OTOGL: variants seen among roughly 807,000 people sequenced by gnomAD.
The protein encoded by OTOGL is otogelin like.
Under a neutral mutation model 318.5 loss-of-function variants are expected in OTOGL, and 285 were observed. That is an observed-to-expected ratio of 0.89 (90% CI 0.81 to 0.99). The LOEUF (loss-of-function observed/expected upper bound fraction) is 0.99, where lower values mean the gene tolerates loss of function less well. Among genes scored for constraint, OTOGL ranks in the 50% least tolerant of loss-of-function variants. The pLI is 0.00. For missense variants in OTOGL, 2,899 were observed against 2,845.6 expected, an observed-to-expected ratio of 1.02 and a Z score of -0.43; for synonymous variants, 987 against 936.5, an observed-to-expected ratio of 1.05 and a Z score of -0.99.
At chr12:80,314,402 G>A in intron 32 of OTOGL, 71 bp downstream of exon 32, 2 of 556,194 alleles carry the variant, frequency 3.6e-6, no homozygotes. Context: ...AAAAATTTTT[G>A]AACAACTTAT....
intron 52 of OTOGL, among the ~76,000 whole-genome samples, chr12:80,364,724 C>T (rs1201437706): frequency 6.6e-6 from 1 of 151,900 alleles, no homozygotes; most frequent in Non-Finnish European, 1.5e-5. Flanking sequence ...AAGGTTAATC[C>T]GTGTTGCTGC....
rs766456913 is a variant in OTOGL, at chr12:80,262,084, C to G, written c.2005C>G (p.Gln669Glu). Reference protein sequence around the residue: ...VPVVDPCNINQQNIGYAAHCD... With the variant: ...VPVVDPCNINEQNIGYAAHCD... Reference sequence around the variant, plus strand: ...AGTGGTGGACCCCTGTAACATCAATCAACAAAACAGTAAGTTTTGCATGTA... The same window carrying G: ...AGTGGTGGACCCCTGTAACATCAATGAACAAAACAGTAAGTTTTGCATGTA... The change falls in exon 19 of 59, where the codon CAA (glutamine) becomes GAA (glutamate). Residue 669 changes from glutamine (Q) to glutamate (E), a missense_variant. Transcript: ENST00000547103. The G allele has an allele frequency of 2.5e-6, 4 of 1,606,294 alleles. No homozygotes were observed. The South Asian group carries it at 4.5e-5, about 18-fold the overall frequency.
chr12:80,116,431 G>C (rs1365169438), intron 1 of OTOGL, among the ~76,000 whole-genome samples: 1 of 152,066 alleles, frequency 6.6e-6, no homozygotes, highest in Non-Finnish European at 1.5e-5. Flanking sequence ...AGTTGGAAAT[G>C]CAGAAATCAC....
chr12:80,215,699 C>A (rs1390045411), intron 4 of OTOGL, among the ~76,000 whole-genome samples: 1 of 152,024 alleles, frequency 6.6e-6, no homozygotes, highest in Non-Finnish European at 1.5e-5. Context: ...GATTGGCTTC[C>A]ATTAAAGGGA....
chr12:80,201,439 C>T (rs1876448532), intron 1 of OTOGL, among the ~76,000 whole-genome samples: 1 of 151,968 alleles, frequency 6.6e-6, no homozygotes, highest in Admixed American at 6.6e-5. Context: ...ATGCGAGACA[C>T]CTTTTAGCAA....
chr12:80,154,129 C>A (rs1872964563), intron 1 of OTOGL, among the ~76,000 whole-genome samples: 1 of 151,974 alleles, frequency 6.6e-6, no homozygotes, highest in Non-Finnish European at 1.5e-5. Context: ...GCCAACATGG[C>A]AAAATTCCGT....
chr12:80,316,678 A>G (rs1251086492), intron 32 of OTOGL, among the ~76,000 whole-genome samples: 1 of 152,204 alleles, frequency 6.6e-6, no homozygotes, highest in Non-Finnish European at 1.5e-5. Flanking sequence ...GGAGAAACGC[A>G]TCAATGTGCC....
At position 80,278,659 on chromosome 12, in the gene OTOGL, AAG is replaced by A. The variant is rs1254853741; in HGVS notation, c.2790-367_2790-366del. 5.3e-5 allele frequency among the ~76,000 whole-genome samples: 8 copies of A among 151,634 alleles called. No homozygotes were observed. The Admixed American group carries it at 5.3e-4, about 10-fold the overall frequency. On this transcript the variant is annotated intron_variant, in intron 25 of 58. Transcript: ENST00000547103. ...ATATAATTTCCCTAAAATATGGACAAAGATTCTAAACTCATGAGCAATGTCAT... is the reference window on the plus strand; with the variant it reads ...ATATAATTTCCCTAAAATATGGACAAATTCTAAACTCATGAGCAATGTCAT...
chr12:80,261,598 G>GT (rs1882531089), intron 18 of OTOGL, among the ~76,000 whole-genome samples: 1 of 152,120 alleles, frequency 6.6e-6, no homozygotes, highest in Non-Finnish European at 1.5e-5. Context: ...AGTTTTGGTT[G>GT]TGTGAGTGTA....
intron 26 of OTOGL, among the ~76,000 whole-genome samples, chr12:80,296,025 T>A (rs1261929949): frequency 2.0e-5 from 3 of 152,086 alleles, no homozygotes; most frequent in Non-Finnish European, 2.9e-5. Context: ...AGGAAAGGGG[T>A]CTACCTGGAG....
intron 1 of OTOGL, among the ~76,000 whole-genome samples, chr12:80,145,426 T>C (rs906738360): frequency 1.3e-5 from 2 of 152,008 alleles, no homozygotes; most frequent in African/African-American, 4.8e-5. Context: ...TATCTCTGTT[T>C]TGGTACCAGT....
intron 1 of OTOGL, among the ~76,000 whole-genome samples, chr12:80,168,705 T>C (rs1471956705): frequency 4.6e-5 from 7 of 152,212 alleles, no homozygotes. Flanking sequence ...TTCTGACTGT[T>C]TTCCTAATAG....
In OTOGL at chr12:80,306,785, A is replaced by T. The variant is rs551904993; in HGVS notation, c.3333+1090A>T. 2.6e-4 allele frequency among the ~76,000 whole-genome samples: 33 copies of T among 128,228 alleles called. No homozygotes were observed. The South Asian group carries it at 8.5e-3, about 33-fold the overall frequency. 84.1% of individuals were successfully genotyped at this position (128,228 alleles called of 152,430 possible). On this transcript the variant is annotated intron_variant, in intron 29 of 58. Coordinates refer to ENST00000547103, the MANE Select transcript of OTOGL (RefSeq NM_001378609.3). ...AAGTAACTATTTCTTTTTTTTTTTT[A>T]AATTTTATTTTATTATTATTATTAT...
intron 11 of OTOGL, among the ~76,000 whole-genome samples, chr12:80,244,259 C>T (rs1019861708): frequency 1.0e-4 from 15 of 148,974 alleles, no homozygotes; most frequent in East Asian, 7.9e-4. Context: ...TGTGCTGGTG[C>T]GCTGCACCCA....
chr12:80,223,852 G>A (rs1054589419), intron 7 of OTOGL, among the ~76,000 whole-genome samples: 1 of 151,970 alleles, frequency 6.6e-6, no homozygotes. Context: ...TGTATAGATT[G>A]CAAAGATTTT....
rs145929353 is a variant in OTOGL, at chr12:80,378,411, T to C, written c.*363T>C. The stretch of plus-strand genomic sequence containing the variant: ...TTTTCTTAATTTGCAAAGTCTGCTA[T>C]AGCTATCCAAATTAAGGTACCCTTT... On this transcript the variant is annotated 3_prime_UTR_variant, in exon 59 of 59. Transcript: ENST00000547103. 8.7e-4 allele frequency: 160 copies of C among 184,112 alleles called. No individual in the cohort carries two copies. The highest frequency in any genetic ancestry group is 3.5e-3 in the African/African-American group (147 of 42,276). 11.4% of individuals were successfully genotyped at this position (184,112 alleles called of 1,614,324 possible).
At position 80,264,829 on chromosome 12, in the gene OTOGL, T is replaced by C. The variant is rs965162240; in HGVS notation, c.2015-172T>C. On this transcript the variant is annotated intron_variant, in intron 19 of 58. Transcript: ENST00000547103. ...AAAAGTCTGTTGAATGTGGATTAAGTGCTGTTACCAATATTATATAAAAAA... is the reference window on the plus strand; with the variant it reads ...AAAAGTCTGTTGAATGTGGATTAAGCGCTGTTACCAATATTATATAAAAAA... Among the ~76,000 whole-genome samples, 10 of 152,174 alleles carry C rather than the reference T, an allele frequency of 6.6e-5. 1 individual carries two copies. Among genetic ancestry groups the C allele is most frequent in the Admixed American group, 6.5e-4 (10 of 15,278 alleles).
chr12:80,212,578 C>G (rs1877351731), intron 4 of OTOGL, among the ~76,000 whole-genome samples: 1 of 152,060 alleles, frequency 6.6e-6, no homozygotes. Context: ...TTTCTTCAAA[C>G]TGGTTGGAAT....
At chr12:80,326,172 C>T (rs1015725797) in intron 35 of OTOGL, among the ~76,000 whole-genome samples, 47 of 152,218 alleles carry the variant, frequency 3.1e-4, no homozygotes, top group African/African-American at 1.1e-3. Flanking sequence ...GCCCCCTCCT[C>T]CAAGTCCGCG....
Sources: allele counts gnomAD v4.1 joint callset (sites outside exome capture counted in the v4.1 genomes callset), GRCh38; gene constraint gnomAD v4.1.1; transcripts MANE v1.5; gene names NCBI Gene and HGNC (gene_info 2026-07-23, HGNC 2026-07-21).